Variants in SUSD4 observed in about 807,000 individuals in gnomAD.
SUSD4 encodes sushi domain containing 4, also known as sushi domain-containing protein 4.
SUSD4 carries 41 observed loss-of-function variants against 50.5 expected under a neutral mutation model. The observed-to-expected ratio is 0.81, with a 90% CI of 0.63 to 1.05. The LOEUF (loss-of-function observed/expected upper bound fraction) is 1.05, where lower values mean the gene tolerates loss of function less well. Ranked by LOEUF, SUSD4 falls within the 50% of genes least tolerant of loss-of-function variation. SUSD4 has a pLI of 0.00. For synonymous variants in SUSD4, 257 were observed against 257.3 expected (o/e 1.00, Z 0.01); for missense variants, 580 against 634.7 (o/e 0.91, Z 0.93).
chr1:223,345,896 T>G (rs1319081431), intron 2 of SUSD4, among the ~76,000 whole-genome samples: 1 of 152,192 alleles, frequency 6.6e-6, no homozygotes, highest in Admixed American at 6.5e-5. Flanking sequence ...CTTTCTCTGC[T>G]GCCAGTACCT....
Position 223,268,679 on chromosome 1 carries a change from C to A in SUSD4, c.362-4G>T. 1 of 1,607,408 alleles carries A rather than the reference C, an allele frequency of 6.2e-7. No individual in the cohort carries two copies. Among genetic ancestry groups the A allele is most frequent in the Non-Finnish European group, 8.5e-7 (1 of 1,176,906 alleles). On this transcript the variant is annotated splice_region_variant and splice_polypyrimidine_tract_variant and intron_variant, in intron 3 of 8. Coordinates refer to ENST00000366878, the MANE Select transcript of SUSD4 (RefSeq NM_017982.4). ...TCGATTTGAGGGATACGGCAATCTGCAATTTTGTAAAAGGTACACATTATT... is the reference window on the plus strand; with the variant it reads ...TCGATTTGAGGGATACGGCAATCTGAAATTTTGTAAAAGGTACACATTATT...
At chr1:223,277,573 C>T (rs1396757113) in intron 3 of SUSD4, among the ~76,000 whole-genome samples, 1 of 152,060 alleles carries the variant, frequency 6.6e-6, no homozygotes, top group Non-Finnish European at 1.5e-5. Context: ...GCTCCCACTA[C>T]CCAGAACAAT....
intron 2 of SUSD4, among the ~76,000 whole-genome samples, chr1:223,310,693 T>G (rs1558237975): frequency 6.6e-6 from 1 of 152,270 alleles, no homozygotes; most frequent in Non-Finnish European, 1.5e-5. Flanking sequence ...TATTTCTGTT[T>G]CTTCCAATTT....
At chr1:223,284,527 A>G (rs966097069) in intron 3 of SUSD4, among the ~76,000 whole-genome samples, 3 of 152,224 alleles carry the variant, frequency 2.0e-5, no homozygotes, top group Admixed American at 2.0e-4. Context: ...TGCTGTAGTA[A>G]TTAAAGAAGA....
At chr1:223,338,315 A>T (rs1421324139) in intron 2 of SUSD4, among the ~76,000 whole-genome samples, 1 of 152,212 alleles carries the variant, frequency 6.6e-6, no homozygotes, top group Non-Finnish European at 1.5e-5. Flanking sequence ...CTGCTTTGTC[A>T]TCAGATCCCC....
In SUSD4 at chr1:223,264,756, A is replaced by G; in HGVS notation, c.598T>C (p.Phe200Leu). 1 of 1,614,230 alleles carries G rather than the reference A, an allele frequency of 6.2e-7. No individual in the cohort carries two copies. Residue 200 changes from phenylalanine (F) to leucine (L), a missense_variant, in exon 5 of 9, where the codon TTC becomes CTC. Physicochemically the swap from Phe to Leu is conservative, Grantham distance 22 (BLOSUM62 0). Coordinates refer to ENST00000366878, the MANE Select transcript of SUSD4 (RefSeq NM_017982.4). The part of the protein sequence containing the change: ...YVNISELQTS[F>L]PVGTVISYRC... ...TAGGAGATCACAGTCCCCACCGGGAAGGAGGTCTGGAGCTCAGAGATGTTT... is the reference window on the plus strand; with the variant it reads ...TAGGAGATCACAGTCCCCACCGGGAGGGAGGTCTGGAGCTCAGAGATGTTT...
At chr1:223,321,604 G>A (rs1666577341) in intron 2 of SUSD4, among the ~76,000 whole-genome samples, 1 of 152,158 alleles carries the variant, frequency 6.6e-6, no homozygotes, top group Non-Finnish European at 1.5e-5. Flanking sequence ...TCTATCACTA[G>A]CGTAGAACTT....
chr1:223,253,211 T>A (rs989186438), intron 5 of SUSD4, among the ~76,000 whole-genome samples: 8 of 150,838 alleles, frequency 5.3e-5, no homozygotes, highest in Admixed American at 2.0e-4. Flanking sequence ...AGAAAAAAAA[T>A]GTGCCATGGG....
At chr1:223,271,679 C>G (rs977932821) in intron 3 of SUSD4, among the ~76,000 whole-genome samples, 1 of 152,130 alleles carries the variant, frequency 6.6e-6, no homozygotes, top group Non-Finnish European at 1.5e-5. Context: ...TTAACCAGAG[C>G]CTTTATGATT....
chr1:223,226,875 T>C (rs952321987), intron 7 of SUSD4, among the ~76,000 whole-genome samples: 1 of 152,214 alleles, frequency 6.6e-6, no homozygotes, highest in Non-Finnish European at 1.5e-5. Flanking sequence ...ATCCTTTTGC[T>C]GTCTAAACTA....
intron 4 of SUSD4, among the ~76,000 whole-genome samples, chr1:223,267,357 T>C (rs1265944314): frequency 2.0e-5 from 3 of 152,096 alleles, no homozygotes; most frequent in Non-Finnish European, 4.4e-5. Flanking sequence ...GTGGCTGCAG[T>C]CCGGGGTTGT....
chr1:223,307,908 T>C (rs1200136335), intron 2 of SUSD4, among the ~76,000 whole-genome samples: 2 of 152,152 alleles, frequency 1.3e-5, no homozygotes, highest in East Asian at 3.9e-4. Flanking sequence ...CTTTCCCAGA[T>C]GTTCTGGTAG....
chr1:223,301,091 T>C (rs888879295), intron 2 of SUSD4, among the ~76,000 whole-genome samples: 1 of 152,224 alleles, frequency 6.6e-6, no homozygotes, highest in Non-Finnish European at 1.5e-5. Context: ...TTTCCTACCA[T>C]ATTTCAGTTT....
rs534564427 is a variant in SUSD4, at chr1:223,267,641, AG to A, written c.535+860del. On this transcript the variant is annotated intron_variant, in intron 4 of 8. Transcript: ENST00000366878. ...TTCCTTCAAGGGGTCACGACTTTTAAGCTCTCATGTAAGGAAACTATTTATT... is the reference window on the plus strand; with the variant it reads ...TTCCTTCAAGGGGTCACGACTTTTAACTCTCATGTAAGGAAACTATTTATT... Among the ~76,000 whole-genome samples, 279 of 152,232 alleles carry A rather than the reference AG, an allele frequency of 1.8e-3. 5 individuals are homozygous for A. The highest frequency in any genetic ancestry group is 0.016 in the Admixed American group (248 of 15,302).
intron 7 of SUSD4, 121 bp from the exon 8 acceptor site, chr1:223,223,752 G>T: frequency 8.1e-7 from 1 of 1,232,476 alleles, no homozygotes; most frequent in African/African-American, 1.5e-5. Context: ...AGTCCCGTAT[G>T]GAGGATAATA....
chr1:223,323,596 C>T (rs1025039042), intron 2 of SUSD4, among the ~76,000 whole-genome samples: 3 of 152,128 alleles, frequency 2.0e-5, no homozygotes, highest in Non-Finnish European at 4.4e-5. Context: ...CAGGGTAGAC[C>T]ACCCAGGCCA....
At chr1:223,258,152 A>T (rs959231961) in intron 5 of SUSD4, among the ~76,000 whole-genome samples, 1 of 152,172 alleles carries the variant, frequency 6.6e-6, no homozygotes, top group Non-Finnish European at 1.5e-5. Flanking sequence ...TGAAGGCAGG[A>T]TTCCTGGAGG....
At chr1:223,226,484 G>A (rs752908600) in intron 7 of SUSD4, among the ~76,000 whole-genome samples, 3 of 152,192 alleles carry the variant, frequency 2.0e-5, no homozygotes, top group Non-Finnish European at 2.9e-5. Context: ...GAGGGAGGCC[G>A]CCCTGTGAGG....
rs184027824 is a variant in SUSD4 at position 223,226,744 on chromosome 1, A to G, written c.1061+850T>C. ...CTTTTCTGAAGCATTAGGTTCTGAA[A>G]TGAGAAGACTCTGACATGGCCACAG... is the stretch of plus-strand genomic sequence containing the variant. On this transcript the variant is annotated intron_variant, in intron 7 of 8. Transcript: ENST00000366878. Among the ~76,000 whole-genome samples, 1,009 of 152,346 alleles carry G rather than the reference A, an allele frequency of 6.6e-3. 14 individuals carry two copies. Among genetic ancestry groups the G allele is most frequent in the African/African-American group, 0.023 (958 of 41,584 alleles).
Sources: allele counts gnomAD v4.1 joint callset (sites outside exome capture counted in the v4.1 genomes callset), GRCh38; gene constraint gnomAD v4.1.1; transcripts MANE v1.5; gene names NCBI Gene and HGNC (gene_info 2026-07-23, HGNC 2026-07-21).